Variants in CAMK2D observed in about 807,000 individuals in gnomAD.
CAMK2D encodes the protein calcium/calmodulin dependent protein kinase II delta, also known as calcium/calmodulin-dependent protein kinase type II subunit delta.
CAMK2D carries 37 observed loss-of-function variants against 84.0 expected under a neutral mutation model. That is an observed-to-expected ratio of 0.44 (90% CI 0.34 to 0.58). The LOEUF (loss-of-function observed/expected upper bound fraction) is 0.58, where lower values mean the gene tolerates loss of function less well. CAMK2D is among the 20% of genes least tolerant of loss of function. CAMK2D has a pLI of 0.02. For synonymous variants in CAMK2D, 202 were observed against 212.5 expected (o/e 0.95, Z 0.43); for missense variants, 448 against 652.5 (o/e 0.69, Z 3.41).
intron 2 of CAMK2D, among the ~76,000 whole-genome samples, chr4:113,692,044 T>C (rs375829424): frequency 3.5e-4 from 53 of 152,318 alleles, no homozygotes; most frequent in African/African-American, 1.2e-3. Flanking sequence ...AGGAAACCAC[T>C]GAATAATTTA....
chr4:113,507,867 T>A (rs2098151353), intron 13 of CAMK2D, among the ~76,000 whole-genome samples: 1 of 152,108 alleles, frequency 6.6e-6, no homozygotes, highest in South Asian at 2.1e-4. Context: ...TATTATGGTG[T>A]CCTATAAATC....
chr4:113,562,245 T>G (rs959556783), intron 4 of CAMK2D, among the ~76,000 whole-genome samples: 2 of 152,180 alleles, frequency 1.3e-5, no homozygotes, highest in Non-Finnish European at 2.9e-5. Flanking sequence ...ATTTGACTCC[T>G]TTACAAATTA....
intron 4 of CAMK2D, 49 bp downstream of exon 4, chr4:113,609,103 C>T (rs199676161): frequency 7.3e-6 from 7 of 953,932 alleles, no homozygotes; most frequent in East Asian, 4.8e-5. Context: ...TAATTCAAAA[C>T]GGTCCTCAAT....
At chr4:113,724,280 C>CT (rs1410742743) in intron 2 of CAMK2D, among the ~76,000 whole-genome samples, 1 of 151,810 alleles carries the variant, frequency 6.6e-6, no homozygotes, top group Non-Finnish European at 1.5e-5. Flanking sequence ...TAAAATTATA[C>CT]TTTTTTTCTT....
chr4:113,558,660 C>CA (rs2098682394), intron 4 of CAMK2D, among the ~76,000 whole-genome samples: 1 of 152,108 alleles, frequency 6.6e-6, no homozygotes, highest in Non-Finnish European at 1.5e-5. Flanking sequence ...TACATATACA[C>CA]ACACATACAC....
chr4:113,756,375 C>A lies in CAMK2D; in HGVS notation c.160+2945G>T, dbSNP rs146314650. 1.2e-4 allele frequency among the ~76,000 whole-genome samples: 19 copies of A among 152,002 alleles called. 1 individual carries two copies. The East Asian group carries it at 3.3e-3, about 26-fold the overall frequency. On this transcript the variant is annotated intron_variant, in intron 2 of 20. Coordinates refer to ENST00000511664, the MANE Select transcript of CAMK2D (RefSeq NM_001321571.2). ...CTGCCTGGTCTTTAAAACAAATAGACTAAAGGCTTGGGTATACAGAGTCAT... is the reference window on the plus strand; with the variant it reads ...CTGCCTGGTCTTTAAAACAAATAGAATAAAGGCTTGGGTATACAGAGTCAT...
intron 3 of CAMK2D, among the ~76,000 whole-genome samples, chr4:113,619,203 A>G (rs1415073312): frequency 2.1e-5 from 3 of 143,902 alleles, no homozygotes; most frequent in Admixed American, 1.4e-4. Flanking sequence ...TTCTAAATAT[A>G]ATAGGGTGAG....
intron 2 of CAMK2D, chr4:113,753,726 A>C: frequency 1.2e-6 from 1 of 868,236 alleles, no homozygotes; most frequent in Middle Eastern, 6.0e-4. Flanking sequence ...TTTTGTTATA[A>C]TCAGATATTT....
intron 9 of CAMK2D, among the ~76,000 whole-genome samples, 195 bp from the exon 10 acceptor site, chr4:113,515,386 A>ATC (rs1364338349): frequency 6.6e-6 from 1 of 152,186 alleles, no homozygotes; most frequent in Non-Finnish European, 1.5e-5. Flanking sequence ...AACTATATAT[A>ATC]TTAAAGAGTA....
chr4:113,539,162 T>G (rs554813366), intron 6 of CAMK2D, among the ~76,000 whole-genome samples: 1 of 152,216 alleles, frequency 6.6e-6, no homozygotes, highest in Non-Finnish European at 1.5e-5. Context: ...GTCTACCACA[T>G]TCATGCATTT....
chr4:113,687,210 T>A (rs2099362588), intron 2 of CAMK2D, among the ~76,000 whole-genome samples: 1 of 152,208 alleles, frequency 6.6e-6, no homozygotes, highest in African/African-American at 2.4e-5. Context: ...AGATTTCCAT[T>A]CAGGTGTTAC....
In CAMK2D at chr4:113,483,044, G is replaced by A. The variant is rs145200621; in HGVS notation, c.1135+17419C>T. On this transcript the variant is annotated intron_variant, in intron 16 of 20. Transcript: ENST00000511664. ...ATAAAGACAGACTACCTAATTCACT[G>A]AGTTTCAAAGGCAAGATAGTTTATC... is the stretch of plus-strand genomic sequence containing the variant. Among the ~76,000 whole-genome samples, 15 of 152,282 alleles carry A rather than the reference G, an allele frequency of 9.9e-5. No individual in the cohort carries two copies. In the East Asian group the frequency reaches 2.7e-3, roughly 27 times the overall value.
intron 4 of CAMK2D, among the ~76,000 whole-genome samples, chr4:113,589,725 A>G (rs1177322478): frequency 6.6e-6 from 1 of 152,092 alleles, no homozygotes; most frequent in Non-Finnish European, 1.5e-5. Context: ...AGGCAACAGA[A>G]TGCGCAAGTC....
At chr4:113,758,196 A>C (rs1315209261) in intron 2 of CAMK2D, among the ~76,000 whole-genome samples, 1 of 152,206 alleles carries the variant, frequency 6.6e-6, no homozygotes, top group Non-Finnish European at 1.5e-5. Context: ...TTTTCATACC[A>C]TGATTCTATG....
At chr4:113,594,142 G>A (rs1305010964) in intron 4 of CAMK2D, among the ~76,000 whole-genome samples, 1 of 152,136 alleles carries the variant, frequency 6.6e-6, no homozygotes, top group East Asian at 1.9e-4. Context: ...GAGAGAAGGA[G>A]GAAGGCCACA....
intron 3 of CAMK2D, 145 bp from the exon 4 acceptor site, chr4:113,609,351 C>T (rs1477661399): frequency 1.7e-6 from 1 of 586,690 alleles, no homozygotes; most frequent in Non-Finnish European, 3.2e-6. Flanking sequence ...GTATCTTTTA[C>T]AACATAGCTT....
intron 4 of CAMK2D, among the ~76,000 whole-genome samples, chr4:113,562,980 G>A (rs759136298): frequency 1.3e-5 from 2 of 152,072 alleles, no homozygotes; most frequent in Non-Finnish European, 2.9e-5. Flanking sequence ...CATTCTGGCC[G>A]GGCACAGTGG....
chr4:113,464,615 C>T (rs1211371190), intron 17 of CAMK2D, among the ~76,000 whole-genome samples: 1 of 152,168 alleles, frequency 6.6e-6, no homozygotes, highest in Non-Finnish European at 1.5e-5. Context: ...ATTTTAACTT[C>T]AGCAAAGTAA....
At chr4:113,684,557 G>C (rs1002308169) in intron 2 of CAMK2D, among the ~76,000 whole-genome samples, 1 of 152,128 alleles carries the variant, frequency 6.6e-6, no homozygotes, top group Non-Finnish European at 1.5e-5. Context: ...TCAGAACAAG[G>C]GAAGAAGATG....
Sources: allele counts gnomAD v4.1 joint callset (sites outside exome capture counted in the v4.1 genomes callset), GRCh38; gene constraint gnomAD v4.1.1; transcripts MANE v1.5; gene names NCBI Gene and HGNC (gene_info 2026-07-23, HGNC 2026-07-21).